Variants in FANCD2 observed in about 807,000 individuals in gnomAD.
The protein encoded by FANCD2 is Fanconi anemia group D2 protein.
A neutral mutation model predicts 192.3 loss-of-function variants in FANCD2; 131 were observed. That is an observed-to-expected ratio of 0.68 (90% CI 0.59 to 0.79). FANCD2 has a LOEUF of 0.79. Ranked by LOEUF, FANCD2 falls within the 30% of genes least tolerant of loss-of-function variation. The probability of loss-of-function intolerance (pLI) is 0.00; values close to 1 mark genes in which losing one functional copy is unlikely to be tolerated. For missense variants in FANCD2, 1,508 were observed against 1,701.6 expected, an observed-to-expected ratio of 0.89 and a Z score of 2.00; for synonymous variants, 524 against 612.5, an observed-to-expected ratio of 0.86 and a Z score of 2.13.
intron 30 of FANCD2, among the ~76,000 whole-genome samples, chr3:10,079,205 C>T (rs1299321620): frequency 2.0e-5 from 3 of 151,424 alleles, no homozygotes; most frequent in Non-Finnish European, 2.9e-5. Context: ...GATCATGCTA[C>T]TGCACTCCAG....
intron 35 of FANCD2, 31 bp from the exon 36 acceptor site, chr3:10,088,797 T>C (rs761955186): frequency 1.2e-6 from 2 of 1,612,396 alleles, no homozygotes; most frequent in South Asian, 1.1e-5. Context: ...CTTTGTTAAT[T>C]AGTGGGTCAA....
At chr3:10,027,888 G>A (rs2086493504) in intron 1 of FANCD2, among the ~76,000 whole-genome samples, 1 of 131,442 alleles carries the variant, frequency 7.6e-6, no homozygotes, top group African/African-American at 3.0e-5. Flanking sequence ...CTGGGTGACA[G>A]AGTGAGACTC....
intron 16 of FANCD2, among the ~76,000 whole-genome samples, chr3:10,048,682 C>T (rs1260370016): frequency 2.0e-5 from 3 of 152,146 alleles, no homozygotes. Flanking sequence ...AAGTAAAGAA[C>T]AGTGTCTTAT....
At chr3:10,085,963 A>C (rs753672518) in intron 33 of FANCD2, 41 bp downstream of exon 33, 1 of 1,349,410 alleles carries the variant, frequency 7.4e-7, no homozygotes. Context: ...GTCCCAAGAA[A>C]CTCCTAGGAA....
intron 1 of FANCD2, among the ~76,000 whole-genome samples, chr3:10,028,406 C>T (rs1156346922): frequency 1.3e-5 from 2 of 152,056 alleles, no homozygotes; most frequent in Non-Finnish European, 2.9e-5. Flanking sequence ...TCAGCAACAG[C>T]GAAGTAGTCT....
chr3:10,095,322 C>A (rs1468107710), intron 41 of FANCD2, 48 bp downstream of exon 41: 3 of 1,463,130 alleles, frequency 2.1e-6, no homozygotes, highest in Admixed American at 1.7e-5. Flanking sequence ...TTGGCTTAAT[C>A]TGCAGTTGCT....
At chr3:10,034,324 C>CA (rs879221957) in intron 3 of FANCD2, 145 bp from the exon 4 acceptor site, 28,406 of 410,736 alleles carry the variant, frequency 0.069, 6 homozygotes, top group East Asian at 0.093. Context: ...AACTCCATCT[C>CA]AAAAAAAAAA....
At chr3:10,099,307 A>G in intron 43 of FANCD2, 2 of 1,227,336 alleles carry the variant, frequency 1.6e-6, no homozygotes, top group Non-Finnish European at 2.1e-6. Flanking sequence ...GATGCTTTCG[A>G]CAATTTAAAG....
rs749974836 is a variant in FANCD2, at chr3:10,046,723, A to G, written c.1278A>G (p.Leu426=). Residue 426 remains leucine, a splice_region_variant and synonymous_variant, in exon 15 of 44, where the codon TTA becomes TTG. Coordinates refer to ENST00000675286, the MANE Select transcript of FANCD2 (RefSeq NM_001018115.3). ...LLQSTFSVHY[L]VLKDMCSSIL... ...AGAGTACATTCTCTGTTCATTACTT[A>G]GTAAGTGTCAGAGACTATTGATTTT... 2 of 1,498,030 alleles carry G rather than the reference A, an allele frequency of 1.3e-6. No homozygotes were observed. Among genetic ancestry groups the G allele is most frequent in the African/African-American group, 2.8e-5 (2 of 72,396 alleles). The allele number at this position is 1,498,030 out of a possible 1,614,324, so 92.8% of individuals were successfully genotyped here.
chr3:10,033,398 T>C (rs1174358195), intron 3 of FANCD2, among the ~76,000 whole-genome samples: 1 of 152,018 alleles, frequency 6.6e-6, no homozygotes, highest in Non-Finnish European at 1.5e-5. Context: ...TGAGACTCCA[T>C]TTCCAAAAAA....
chr3:10,046,265 G>A (rs971084934), intron 14 of FANCD2, among the ~76,000 whole-genome samples: 2 of 151,770 alleles, frequency 1.3e-5, no homozygotes, highest in Non-Finnish European at 2.9e-5. Context: ...GTGTTAGTCA[G>A]GATGGTCTCG....
chr3:10,033,696 G>GTTTTTTT (rs751645479), intron 3 of FANCD2, among the ~76,000 whole-genome samples: 5 of 62,466 alleles, frequency 8.0e-5, no homozygotes, highest in Admixed American at 2.1e-4. Flanking sequence ...TCAAAGCTAA[G>GTTTTTTT]TCTTTTTTTT....
intron 3 of FANCD2, 85 bp from the exon 4 acceptor site, chr3:10,034,384 G>A (rs909096461): frequency 1.8e-5 from 15 of 813,560 alleles, no homozygotes; most frequent in Non-Finnish European, 3.2e-5. Context: ...ATTTTTATTG[G>A]TTTCATCAGG....
rs1359534718 is a variant in FANCD2, at chr3:10,078,084, A to G, written c.2863A>G (p.Thr955Ala). 4 of 1,603,966 alleles carry G rather than the reference A, an allele frequency of 2.5e-6. No individual in the cohort carries two copies. The highest frequency in any genetic ancestry group is 1.7e-4 in the Middle Eastern group (1 of 6,048). ...ILDTEMHTEATEVVQLGPPEL... is the reference protein window; with the variant it reads ...ILDTEMHTEAAEVVQLGPPEL... ...AATCCTTTCCTCCATGTGACAGGCT[A>G]CAGAAGTTGTGCAACTTGGGCCCCC... is the stretch of plus-strand genomic sequence containing the variant. The change falls in exon 30 of 44, where the codon ACA (threonine) becomes GCA (alanine). Residue 955 changes from threonine (T) to alanine (A), a missense_variant. Around this residue, in one of 5 missense-constraint regions of FANCD2, gnomAD observed 796 missense variants for 879.4 expected, o/e 0.91. Coordinates refer to ENST00000675286, the MANE Select transcript of FANCD2 (RefSeq NM_001018115.3).
At chr3:10,039,225 T>G in intron 7 of FANCD2, 54 bp from the exon 8 acceptor site, 1 of 1,309,132 alleles carries the variant, frequency 7.6e-7, no homozygotes, top group East Asian at 2.3e-5. Context: ...TAATGCTTGC[T>G]GTTATTTTGA....
chr3:10,057,336 T>C (rs1407999466), intron 18 of FANCD2, among the ~76,000 whole-genome samples: 1 of 151,960 alleles, frequency 6.6e-6, no homozygotes, highest in African/African-American at 2.4e-5. Flanking sequence ...TAAAGTCAAA[T>C]TTATCTATTT....
chr3:10,051,109 G>A (rs1453171025), intron 17 of FANCD2, among the ~76,000 whole-genome samples: 2 of 146,582 alleles, frequency 1.4e-5, no homozygotes, highest in South Asian at 2.2e-4. Context: ...GGCCGGGCGC[G>A]GTGGCTCACG....
At chr3:10,101,090 T>C in intron 43 of FANCD2, 98 bp from the exon 44 acceptor site, 1 of 919,022 alleles carries the variant, frequency 1.1e-6, no homozygotes, top group Non-Finnish European at 1.7e-6. Flanking sequence ...GTTTTAACAG[T>C]GATAATAGTA....
intron 38 of FANCD2, 124 bp downstream of exon 38, chr3:10,092,376 C>G: frequency 2.5e-6 from 2 of 799,570 alleles, no homozygotes; most frequent in Non-Finnish European, 4.4e-6. Context: ...CTCCCTGAGT[C>G]GTCTTCTTCC....
Sources: allele counts gnomAD v4.1 joint callset (sites outside exome capture counted in the v4.1 genomes callset), GRCh38; gene constraint gnomAD v4.1.1; regional missense constraint gnomAD v4.1.1; transcripts MANE v1.5; gene names NCBI Gene and HGNC (gene_info 2026-07-23, HGNC 2026-07-21).